Variants in NRG3 observed in about 807,000 individuals in gnomAD.
NRG3 encodes the protein neuregulin 3, also known as pro-neuregulin-3, membrane-bound isoform.
In NRG3, 31 loss-of-function variants were observed where a neutral mutation model predicts 66.9. That is an observed-to-expected ratio of 0.46 (90% CI 0.35 to 0.63). NRG3 has a LOEUF of 0.63. NRG3 is among the 20% of genes least tolerant of loss of function. The pLI, the probability that NRG3 is intolerant of heterozygous loss-of-function variation, is 0.00. For synonymous variants in NRG3, 393 were observed against 359.4 expected (o/e 1.09, Z -1.06); for missense variants, 910 against 878.9 (o/e 1.04, Z -0.45).
At chr10:82,128,013 A>G (rs1343007800) in intron 1 of NRG3, among the ~76,000 whole-genome samples, 2 of 151,994 alleles carry the variant, frequency 1.3e-5, no homozygotes, top group Non-Finnish European at 2.9e-5. Context: ...ACAAATGGGA[A>G]AATTGAAGCC....
chr10:82,164,696 G>A (rs1305790251), intron 1 of NRG3, among the ~76,000 whole-genome samples: 4 of 152,026 alleles, frequency 2.6e-5, no homozygotes, highest in African/African-American at 9.7e-5. Flanking sequence ...GGTAGTGAGA[G>A]GTAAGAAAAG....
At chr10:82,628,639 A>G (rs536760276) in intron 2 of NRG3, among the ~76,000 whole-genome samples, 2 of 152,182 alleles carry the variant, frequency 1.3e-5, no homozygotes, top group South Asian at 2.1e-4. Context: ...GGTTCCACAT[A>G]CACACTCTTT....
At chr10:82,882,782 G>A (rs1842414465) in intron 4 of NRG3, among the ~76,000 whole-genome samples, 1 of 152,126 alleles carries the variant, frequency 6.6e-6, no homozygotes, top group East Asian at 1.9e-4. Context: ...TGCCACAAAG[G>A]CCTGTGTCAC....
intron 4 of NRG3, among the ~76,000 whole-genome samples, chr10:82,945,333 T>C (rs1259257528): frequency 1.3e-5 from 2 of 152,204 alleles, no homozygotes; most frequent in African/African-American, 4.8e-5. Context: ...TTCACCATTT[T>C]CCTTATGGTT....
intron 1 of NRG3, among the ~76,000 whole-genome samples, chr10:82,215,504 G>A (rs1001525889): frequency 1.4e-4 from 22 of 152,154 alleles, no homozygotes; most frequent in Non-Finnish European, 1.0e-4. Context: ...TATGAGTGGT[G>A]TGTATATGTG....
At chr10:82,976,626 A>C (rs977366104) in intron 7 of NRG3, among the ~76,000 whole-genome samples, 3 of 152,030 alleles carry the variant, frequency 2.0e-5, no homozygotes, top group Non-Finnish European at 2.9e-5. Flanking sequence ...TCTAGCAGCT[A>C]GTTTCTACCT....
intron 3 of NRG3, among the ~76,000 whole-genome samples, chr10:82,806,424 A>G (rs2061285852): frequency 6.6e-6 from 1 of 152,190 alleles, no homozygotes; most frequent in Non-Finnish European, 1.5e-5. Flanking sequence ...ATATATACTA[A>G]AGACAAAAAT....
intron 6 of NRG3, among the ~76,000 whole-genome samples, chr10:82,969,926 A>G (rs1851571612): frequency 6.6e-6 from 1 of 152,206 alleles, no homozygotes; most frequent in Non-Finnish European, 1.5e-5. Context: ...TACACAATCT[A>G]TTTATATCTA....
intron 1 of NRG3, among the ~76,000 whole-genome samples, chr10:82,014,844 G>A (rs1589786415): frequency 6.6e-6 from 1 of 152,248 alleles, no homozygotes; most frequent in East Asian, 1.9e-4. Context: ...CTAGAAAGAG[G>A]AAGGGAGGAA....
At chr10:82,727,684 C>T (rs991950401) in intron 2 of NRG3, among the ~76,000 whole-genome samples, 1 of 152,186 alleles carries the variant, frequency 6.6e-6, no homozygotes, top group African/African-American at 2.4e-5. Context: ...CACAGAGTCC[C>T]TACTGGGGCA....
rs540262371 is a variant in NRG3 at position 82,885,934 on chromosome 10, C to G, written c.1054+20497C>G. On this transcript the variant is annotated intron_variant, in intron 4 of 8. Transcript: ENST00000372141. ...TTGCCCAGGCTGGAGTGCAAGGGTC[C>G]GATCTCGGCTCACTGCAATCTCCGC... Among the ~76,000 whole-genome samples the G allele has an allele frequency of 4.6e-5, 7 of 152,104 alleles. No individual in the cohort carries two copies. The South Asian group carries it at 8.3e-4, about 18-fold the overall frequency.
intron 2 of NRG3, among the ~76,000 whole-genome samples, chr10:82,565,258 A>G (rs1829719351): frequency 6.6e-6 from 1 of 152,066 alleles, no homozygotes; most frequent in African/African-American, 2.4e-5. Flanking sequence ...CCTTCCTTAC[A>G]CATTTGGTCT....
intron 2 of NRG3, among the ~76,000 whole-genome samples, chr10:82,384,762 T>C (rs185051797): frequency 3.3e-5 from 5 of 152,308 alleles, no homozygotes; most frequent in African/African-American, 1.2e-4. Flanking sequence ...GTCTTTATAA[T>C]AGAAAGATTT....
chr10:81,971,055 G>A (rs1450518126), intron 1 of NRG3, among the ~76,000 whole-genome samples: 1 of 152,122 alleles, frequency 6.6e-6, no homozygotes, highest in Non-Finnish European at 1.5e-5. Flanking sequence ...TAGGAGAATC[G>A]CTTGAACCTG....
At chr10:82,588,439 T>C (rs1057409973) in intron 2 of NRG3, among the ~76,000 whole-genome samples, 5 of 152,120 alleles carry the variant, frequency 3.3e-5, no homozygotes, top group African/African-American at 7.2e-5. Context: ...TTCCTGAGGC[T>C]CTCACCAGAA....
At chr10:82,418,390 ATGCAAATGTTTATGCAAATTAACCAGT>A (rs2088760519) in intron 2 of NRG3, among the ~76,000 whole-genome samples, 1 of 145,620 alleles carries the variant, frequency 6.9e-6, no homozygotes, top group African/African-American at 2.6e-5. Context: ...TAACCAGTTT[ATGCAAATGTTTATGCAAATTAACCAGT>A]TTATGCAAAT....
chr10:82,546,120 A>C (rs756864734), intron 2 of NRG3, among the ~76,000 whole-genome samples: 23 of 152,180 alleles, frequency 1.5e-4, no homozygotes, highest in Non-Finnish European at 2.9e-4. Flanking sequence ...TTGCATGGCC[A>C]CCTTGCAGGT....
chr10:82,258,996 G>A (rs915512225), intron 1 of NRG3, among the ~76,000 whole-genome samples: 1 of 152,100 alleles, frequency 6.6e-6, no homozygotes, highest in Admixed American at 6.5e-5. Context: ...GATATCCCCA[G>A]GAAACTAATT....
intron 1 of NRG3, among the ~76,000 whole-genome samples, chr10:82,044,224 A>G (rs924707661): frequency 6.6e-6 from 1 of 151,990 alleles, no homozygotes; most frequent in African/African-American, 2.4e-5. Flanking sequence ...CTTTACAATA[A>G]TTTGTATTTA....
Sources: allele counts gnomAD v4.1 joint callset (sites outside exome capture counted in the v4.1 genomes callset), GRCh38; gene constraint gnomAD v4.1.1; transcripts MANE v1.5; gene names NCBI Gene and HGNC (gene_info 2026-07-23, HGNC 2026-07-21).